POLDIP3: variants seen among roughly 807,000 people sequenced by gnomAD.
POLDIP3 encodes the protein DNA polymerase delta interacting protein 3, also known as polymerase delta-interacting protein 3.
A neutral mutation model predicts 45.1 loss-of-function variants in POLDIP3; 14 were observed. The ratio of observed to expected loss-of-function variants is 0.31; its 90% CI spans 0.20 to 0.49. The LOEUF (loss-of-function observed/expected upper bound fraction) is 0.49. Ranked by LOEUF, POLDIP3 falls within the 20% of genes least tolerant of loss-of-function variation. The pLI is 0.99. For missense variants in POLDIP3, 511 were observed against 538.8 expected (o/e 0.95, Z 0.51); for synonymous variants, 223 against 205.2 (o/e 1.09, Z -0.74).
rs1260558143 is a variant in POLDIP3, at chr22:42,610,652, C to G, written c.59+4147G>C. Among the ~76,000 whole-genome samples the G allele has an allele frequency of 3.3e-5, 5 of 152,314 alleles. No individual in the cohort carries two copies. The East Asian group carries it at 9.6e-4, about 29-fold the overall frequency. Reference sequence around the variant, plus strand: ...GCACAGTGGCTCACACCTGTAACCCCAGCACTTTGTGAGGCAGAGGCAGGA... The same window carrying G: ...GCACAGTGGCTCACACCTGTAACCCGAGCACTTTGTGAGGCAGAGGCAGGA... On this transcript the variant is annotated intron_variant, in intron 1 of 8. Coordinates refer to ENST00000252115, the MANE Select transcript of POLDIP3 (RefSeq NM_032311.5).
chr22:42,603,979 G>A (rs1324254473), intron 1 of POLDIP3, among the ~76,000 whole-genome samples: 2 of 152,028 alleles, frequency 1.3e-5, no homozygotes, highest in African/African-American at 4.8e-5. Flanking sequence ...TCCATAAACA[G>A]GCCCCGGTCT....
Position 42,591,893 on chromosome 22 carries a change from G to A in POLDIP3, c.1021+62C>T, listed in dbSNP as rs548567456. Reference sequence around the variant, plus strand: ...CACAGAGACTTCCCCTGGAAGGCCTGCTACCTGACAGCAAGTAGAGATGAG... The same window carrying A: ...CACAGAGACTTCCCCTGGAAGGCCTACTACCTGACAGCAAGTAGAGATGAG... On this transcript the variant is annotated intron_variant, in intron 7 of 8. Coordinates refer to ENST00000252115, the MANE Select transcript of POLDIP3 (RefSeq NM_032311.5). The A allele has an allele frequency of 1.6e-4, 250 of 1,605,146 alleles. 1 individual carries two copies. The highest frequency in any genetic ancestry group is 1.4e-3 in the Admixed American group (85 of 59,766).
At chr22:42,593,683 G>GA (rs1925810048) in intron 6 of POLDIP3, among the ~76,000 whole-genome samples, 1 of 152,100 alleles carries the variant, frequency 6.6e-6, no homozygotes, top group Non-Finnish European at 1.5e-5. Flanking sequence ...CACGCCTGGC[G>GA]AATTTTTCTG....
intron 4 of POLDIP3, among the ~76,000 whole-genome samples, chr22:42,598,151 C>T (rs1423557915): frequency 6.1e-5 from 9 of 148,656 alleles, no homozygotes; most frequent in Non-Finnish European, 5.9e-5. Flanking sequence ...GGCACAATCT[C>T]GGCTCACTGT....
chr22:42,601,032 C>A (rs1926333019), intron 3 of POLDIP3, among the ~76,000 whole-genome samples: 2 of 151,680 alleles, frequency 1.3e-5, no homozygotes, highest in South Asian at 4.2e-4. Context: ...AAACTCAAGG[C>A]TGCAGTGAGC....
At chr22:42,613,929 A>T in intron 1 of POLDIP3, among the ~76,000 whole-genome samples, 1 of 152,230 alleles carries the variant, frequency 6.6e-6, no homozygotes, top group East Asian at 1.9e-4. Context: ...AACTCAGCTC[A>T]CGAAGGCTTG....
chr22:42,599,021 G>T (rs1926177304), intron 4 of POLDIP3, among the ~76,000 whole-genome samples: 1 of 152,232 alleles, frequency 6.6e-6, no homozygotes, highest in Admixed American at 6.5e-5. Context: ...ACGGAATCCA[G>T]ACTCCAAGAG....
intron 2 of POLDIP3, among the ~76,000 whole-genome samples, chr22:42,602,294 C>T (rs1569302188): frequency 2.0e-5 from 3 of 152,174 alleles, no homozygotes. Flanking sequence ...TTGCTGTGGC[C>T]GCTGCTGTTC....
chr22:42,590,854 C>G (rs918381537), intron 7 of POLDIP3, among the ~76,000 whole-genome samples: 5 of 152,080 alleles, frequency 3.3e-5, no homozygotes, highest in Non-Finnish European at 7.4e-5. Context: ...GGCAGATCAC[C>G]TGAGGTCAGG....
chr22:42,599,027 A>G (rs1344080035), intron 4 of POLDIP3, among the ~76,000 whole-genome samples: 1 of 152,268 alleles, frequency 6.6e-6, no homozygotes, highest in Non-Finnish European at 1.5e-5. Flanking sequence ...TCCAGACTCC[A>G]AGAGCAGCGC....
intron 1 of POLDIP3, among the ~76,000 whole-genome samples, chr22:42,607,167 G>A (rs1057160730): frequency 6.6e-6 from 1 of 152,152 alleles, no homozygotes; most frequent in Non-Finnish European, 1.5e-5. Flanking sequence ...GCCGAGCCGA[G>A]GCTGGACTGT....
chr22:42,612,491 T>C (rs1927187421), intron 1 of POLDIP3, among the ~76,000 whole-genome samples: 1 of 152,154 alleles, frequency 6.6e-6, no homozygotes. Context: ...TCCAAGATAA[T>C]TACCAGCCTT....
chr22:42,588,628 TTC>T (rs1472372815), intron 7 of POLDIP3, among the ~76,000 whole-genome samples: 3 of 146,802 alleles, frequency 2.0e-5, no homozygotes, highest in East Asian at 4.8e-4. Flanking sequence ...TTTTCTTTCT[TTC>T]TTTTTTTTTT....
intron 1 of POLDIP3, among the ~76,000 whole-genome samples, chr22:42,606,352 G>C (rs1232699957): frequency 6.6e-6 from 1 of 151,530 alleles, no homozygotes; most frequent in African/African-American, 2.4e-5. Context: ...GAGACTCCCT[G>C]GGCATGGTGG....
intron 1 of POLDIP3, among the ~76,000 whole-genome samples, chr22:42,607,110 C>A (rs923003184): frequency 6.6e-6 from 1 of 152,000 alleles, no homozygotes; most frequent in African/African-American, 2.4e-5. Context: ...ACAAAAGATA[C>A]AAAAAAAATT....
At chr22:42,601,128 G>C (rs925404944) in intron 3 of POLDIP3, among the ~76,000 whole-genome samples, 22 of 152,152 alleles carry the variant, frequency 1.4e-4, no homozygotes, top group African/African-American at 5.3e-4. Context: ...AGGAACTATG[G>C]CAAAATTTCA....
rs1384609772 is a variant in POLDIP3 at position 42,583,925 on chromosome 22, G to A, written c.*1866C>T. The A allele has an allele frequency of 6.6e-6, 1 of 152,310 alleles. No individual in the cohort carries two copies. The highest frequency in any genetic ancestry group is 1.5e-5 in the Non-Finnish European group (1 of 68,060). 9.4% of individuals were successfully genotyped at this position (152,310 alleles called of 1,614,324 possible). On this transcript the variant is annotated 3_prime_UTR_variant, in exon 9 of 9. Coordinates refer to ENST00000252115, the MANE Select transcript of POLDIP3 (RefSeq NM_032311.5). ...GCTTATAGAGTGGAGGAGGCAAACA[G>A]GTCCCCTCAATGTACCAGATGGTCA...
chr22:42,614,751 C>A (rs749405485), intron 1 of POLDIP3, 48 bp downstream of exon 1: 5 of 1,600,586 alleles, frequency 3.1e-6, no homozygotes, highest in Non-Finnish European at 4.3e-6. Context: ...GCCTCGAGCT[C>A]CACTAGGCCG....
At chr22:42,588,731 C>T (rs954821889) in intron 7 of POLDIP3, among the ~76,000 whole-genome samples, 4 of 151,240 alleles carry the variant, frequency 2.6e-5, no homozygotes, top group East Asian at 4.0e-4. Context: ...TGGGTTCAAG[C>T]GATTATCCTG....
Sources: allele counts gnomAD v4.1 joint callset (sites outside exome capture counted in the v4.1 genomes callset), GRCh38; gene constraint gnomAD v4.1.1; transcripts MANE v1.5; gene names NCBI Gene and HGNC (gene_info 2026-07-23, HGNC 2026-07-21).